ARHGEF7: variants seen among roughly 807,000 people sequenced by gnomAD.
ARHGEF7 encodes Rho guanine nucleotide exchange factor 7.
In ARHGEF7, 33 loss-of-function variants were observed where a neutral mutation model predicts 109.8. The ratio of observed to expected loss-of-function variants is 0.30; its 90% CI spans 0.23 to 0.40. ARHGEF7 has a LOEUF of 0.40. Among genes scored for constraint, ARHGEF7 ranks in the 10% least tolerant of loss-of-function variants. The pLI is 1.00. For synonymous variants in ARHGEF7, 458 were observed against 424.6 expected, an observed-to-expected ratio of 1.08 and a Z score of -0.97; for missense variants, 938 against 1,098.5, an observed-to-expected ratio of 0.85 and a Z score of 2.07.
chr13:111,305,700 G>A lies in ARHGEF7; in HGVS notation c.*2587G>A. On this transcript the variant is annotated 3_prime_UTR_variant, in exon 22 of 22. Transcript: ENST00000646102. ...ACTACAATGTTGATGCTACACTGTT[G>A]TAATTATTAAACTGATTATTTTTCT... 6.6e-6 allele frequency: 1 copy of A among 152,218 alleles called. No homozygotes were observed. The highest frequency in any genetic ancestry group is 1.9e-4 in the East Asian group (1 of 5,196). The allele number at this position is 152,218 out of a possible 1,614,324, so 9.4% of individuals were successfully genotyped here. A position where few individuals can be genotyped will look rare whatever the true frequency, so the allele number is the denominator to read the frequency against.
At chr13:111,177,578 C>T (rs532936106) in intron 2 of ARHGEF7, among the ~76,000 whole-genome samples, 7 of 152,278 alleles carry the variant, frequency 4.6e-5, no homozygotes, top group East Asian at 3.9e-4. Flanking sequence ...GGTTCTCACA[C>T]GGTCCTGCTG....
At chr13:111,234,126 G>A (rs1403943658) in intron 6 of ARHGEF7, among the ~76,000 whole-genome samples, 1 of 152,184 alleles carries the variant, frequency 6.6e-6, no homozygotes, top group East Asian at 1.9e-4. Flanking sequence ...TTCTTGAGTA[G>A]ATATAACTAT....
At chr13:111,125,541 T>C (rs191561245) in intron 1 of ARHGEF7, among the ~76,000 whole-genome samples, 68 of 152,320 alleles carry the variant, frequency 4.5e-4, no homozygotes, top group Non-Finnish European at 8.2e-4. Flanking sequence ...CAGCTCCAAG[T>C]GTGTTTGGAT....
chr13:111,159,061 T>C (rs977114030), intron 2 of ARHGEF7: 3 of 718,414 alleles, frequency 4.2e-6, no homozygotes, highest in Non-Finnish European at 7.8e-6. Flanking sequence ...CCTCAGCATC[T>C]GGTAACCACC....
At chr13:111,178,379 T>A (rs1014930386) in intron 2 of ARHGEF7, among the ~76,000 whole-genome samples, 1 of 152,224 alleles carries the variant, frequency 6.6e-6, no homozygotes, top group Non-Finnish European at 1.5e-5. Flanking sequence ...ATCCAAAATA[T>A]GTGTTTTTGG....
intron 20 of ARHGEF7, 45 bp downstream of exon 20, chr13:111,300,892 G>A (rs183718519): frequency 4.7e-4 from 627 of 1,331,696 alleles, no homozygotes; most frequent in Non-Finnish European, 6.3e-4. Context: ...TGACCTCTGC[G>A]GTGGGGTAGT....
At chr13:111,283,887 G>T (rs569446461) in intron 16 of ARHGEF7, among the ~76,000 whole-genome samples, 1 of 152,102 alleles carries the variant, frequency 6.6e-6, no homozygotes, top group Admixed American at 6.5e-5. Flanking sequence ...TGCGGTCTTT[G>T]CTTGTCTCTG....
chr13:111,293,885 C>T (rs939514538), intron 19 of ARHGEF7: 4 of 985,278 alleles, frequency 4.1e-6, no homozygotes, highest in Non-Finnish European at 4.8e-6. Context: ...CTGCTGCTCA[C>T]AAGCCCAGAG....
At chr13:111,212,636 A>T (rs1305514192) in intron 4 of ARHGEF7, among the ~76,000 whole-genome samples, 2 of 152,178 alleles carry the variant, frequency 1.3e-5, no homozygotes, top group Non-Finnish European at 1.5e-5. Context: ...GAAACCAGGG[A>T]CCTGTACGTC....
rs755590923 is a variant in ARHGEF7 at position 111,233,232 on chromosome 13, C to G, written c.698C>G (p.Thr233Arg). 19 of 1,614,074 alleles carry G rather than the reference C, an allele frequency of 1.2e-5. No individual in the cohort carries two copies. The highest frequency in any genetic ancestry group is 1.5e-5 in the Non-Finnish European group (18 of 1,179,920). The change falls in exon 6 of 22, where the codon ACA becomes AGA. Residue 233 changes from threonine to arginine, a missense_variant. By Grantham distance (71) the Thr-to-Arg change is moderately conservative. Coordinates refer to ENST00000646102, the MANE Select transcript of ARHGEF7 (RefSeq NM_001354046.2). ...SEKPVSPKSG[T>R]LKSPPKGFDT... is the part of the protein sequence containing the mutation. ...AAGCCTGTGTCTCCCAAATCAGGAA[C>G]ACTGAAGAGCCCTCCCAAAGGATTT...
Position 111,300,812 on chromosome 13 carries a change from A to C in ARHGEF7, c.2376A>C (p.Glu792Asp). The change falls in exon 20 of 22, where the codon GAA becomes GAC. Residue 792 changes from glutamate to aspartate, a missense_variant. This residue lies in a region of ARHGEF7 where 166 missense variants were observed against 167.3 expected (regional missense o/e 0.99). Transcript: ENST00000646102. ...LPEEEKIIVE[E>D]TKSNGQTVIE... ...AAGAAGAGAAAATTATAGTGGAAGA[A>C]ACTAAAAGTAATGGTCAGACAGTGA... 1 of 1,610,772 alleles carries C rather than the reference A, an allele frequency of 6.2e-7. No individual in the cohort carries two copies. Among genetic ancestry groups the C allele is most frequent in the Non-Finnish European group, 8.5e-7 (1 of 1,177,996 alleles).
At chr13:111,127,089 C>T (rs763744268) in intron 1 of ARHGEF7, among the ~76,000 whole-genome samples, 1 of 152,180 alleles carries the variant, frequency 6.6e-6, no homozygotes, top group African/African-American at 2.4e-5. Context: ...GGAATCACCA[C>T]AGATCTTACA....
intron 2 of ARHGEF7, 123 bp from the exon 3 acceptor site, chr13:111,205,166 C>G (rs537818812): frequency 1.5e-6 from 1 of 664,058 alleles, no homozygotes; most frequent in African/African-American, 1.9e-5. Context: ...GTCTCCCTGT[C>G]GCAGGTTGTG....
rs915191920 is a variant in ARHGEF7, at chr13:111,266,894, G to C, written c.951-654G>C. 6.6e-6 allele frequency: 3 copies of C among 455,956 alleles called. No homozygotes were observed. The highest frequency in any genetic ancestry group is 2.0e-5 in the African/African-American group (1 of 50,062). 28.2% of individuals were successfully genotyped at this position (455,956 alleles called of 1,614,324 possible). A position where few individuals can be genotyped will look rare whatever the true frequency, so the allele number is the denominator to read the frequency against. Reference sequence around the variant, plus strand: ...AACTCTGAGGTCTGGAGAGGTGAGCGTGTACCCCGTTAGGCACACCCAACA... The same window carrying C: ...AACTCTGAGGTCTGGAGAGGTGAGCCTGTACCCCGTTAGGCACACCCAACA... On this transcript the variant is annotated intron_variant, in intron 8 of 21. Transcript: ENST00000646102. The surrounding 1 kb of genome is among the most constrained non-coding windows in gnomAD (Gnocchi z 4.8).
intron 6 of ARHGEF7, among the ~76,000 whole-genome samples, chr13:111,236,821 T>C (rs576893924): frequency 6.6e-6 from 1 of 152,044 alleles, no homozygotes; most frequent in African/African-American, 2.4e-5. Context: ...CAAAATTACC[T>C]GGGCTGGGTG....
At chr13:111,220,573 C>T (rs995639132) in intron 5 of ARHGEF7, among the ~76,000 whole-genome samples, 8 of 152,230 alleles carry the variant, frequency 5.3e-5, no homozygotes, top group Admixed American at 1.3e-4. Context: ...ATTTGAATGT[C>T]GTCAGTGTCA....
At chr13:111,192,091 C>T (rs766656810) in intron 2 of ARHGEF7, among the ~76,000 whole-genome samples, 20 of 152,164 alleles carry the variant, frequency 1.3e-4, no homozygotes, top group Non-Finnish European at 2.8e-4. Flanking sequence ...TGGGATATTT[C>T]CTTCCAAAAC....
At chr13:111,241,501 GT>G (rs1271080351) in intron 6 of ARHGEF7, among the ~76,000 whole-genome samples, 2 of 152,226 alleles carry the variant, frequency 1.3e-5, no homozygotes, top group Non-Finnish European at 2.9e-5. Context: ...CAGGAATTGT[GT>G]TTAGCACCCT....
intron 16 of ARHGEF7, among the ~76,000 whole-genome samples, chr13:111,285,581 C>T (rs1449791565): frequency 6.6e-6 from 1 of 152,180 alleles, no homozygotes; most frequent in African/African-American, 2.4e-5. Context: ...GCATGTGGCC[C>T]CTGCACAGCA....
Sources: gnomAD v4.1 joint callset for allele counts (sites outside exome capture counted in the v4.1 genomes callset) on GRCh38, gnomAD v4.1.1 for gene constraint, gnomAD v4.1.1 regional missense constraint, Gnocchi (gnomAD v3.1) non-coding constraint, MANE v1.5 for transcripts, NCBI Gene and HGNC (gene_info 2026-07-23, HGNC 2026-07-21) for gene names.